FGF14: variants seen among roughly 807,000 people sequenced by gnomAD.
The protein encoded by FGF14 is fibroblast growth factor 14.
Under a neutral mutation model 25.5 loss-of-function variants are expected in FGF14, and 5 were observed. The observed-to-expected ratio is 0.20, with a 90% confidence interval of 0.10 to 0.41. The LOEUF (loss-of-function observed/expected upper bound fraction) is 0.41, where lower values mean the gene tolerates loss of function less well. Ranked by LOEUF, FGF14 falls within the 10% of genes least tolerant of loss-of-function variation. The probability of loss-of-function intolerance (pLI) is 1.00; values close to 1 mark genes in which losing one functional copy is unlikely to be tolerated. For synonymous variants in FGF14, 138 were observed against 118.3 expected (o/e 1.17, Z -1.08); for missense variants, 222 against 320.1 (o/e 0.69, Z 2.34).
chr13:101,864,261 A>T (rs2044576140), intron 3 of FGF14, among the ~76,000 whole-genome samples: 1 of 152,094 alleles, frequency 6.6e-6, no homozygotes, highest in African/African-American at 2.4e-5. Context: ...AACTTCTGTA[A>T]ACTTCAGCTT....
chr13:101,836,478 C>T, intron 3 of FGF14, among the ~76,000 whole-genome samples: 1 of 152,038 alleles, frequency 6.6e-6, no homozygotes, highest in South Asian at 2.1e-4. Context: ...GAGGACCTAC[C>T]TGAGGTAACA....
chr13:101,928,945 A>G (rs537117716), intron 1 of FGF14, among the ~76,000 whole-genome samples: 2 of 152,254 alleles, frequency 1.3e-5, no homozygotes, highest in East Asian at 3.9e-4. Context: ...ACTGCCTCCA[A>G]TGTTTGCAAA....
chr13:101,943,812 T>TACAAA lies in FGF14; in HGVS notation c.209-68517_209-68516insTTTGT, dbSNP rs796285466. 6.0e-3 allele frequency among the ~76,000 whole-genome samples: 800 copies of TACAAA among 134,068 alleles called. 21 individuals are homozygous for TACAAA. The highest frequency in any genetic ancestry group is 0.023 in the African/African-American group (743 of 32,458). 88.0% of individuals were successfully genotyped at this position (134,068 alleles called of 152,430 possible). On this transcript the variant is annotated intron_variant, in intron 1 of 4. Transcript: ENST00000376131. ...AACATGGAGAATCCCTGTCTCTACT[T>TACAAA]AAAAAAAAAAAAAAATATATATATA...
chr13:102,264,613 C>T (rs1419814334), intron 1 of FGF14, among the ~76,000 whole-genome samples: 4 of 149,462 alleles, frequency 2.7e-5, no homozygotes, highest in East Asian at 3.9e-4. Flanking sequence ...GAATTATTTA[C>T]GAGTCTTTAC....
At chr13:102,036,459 T>C (rs182017156) in intron 1 of FGF14, among the ~76,000 whole-genome samples, 21 of 152,184 alleles carry the variant, frequency 1.4e-4, no homozygotes, top group African/African-American at 4.8e-4. Context: ...CACTCGAGGG[T>C]GCTCCTGAAA....
intron 1 of FGF14, among the ~76,000 whole-genome samples, chr13:102,399,307 ACT>A (rs1239715685): frequency 1.3e-5 from 2 of 152,232 alleles, no homozygotes; most frequent in Non-Finnish European, 2.9e-5. Context: ...CTATGGAAGG[ACT>A]GACTTCAAGG....
chr13:101,757,484 T>C (rs566397375), intron 3 of FGF14, among the ~76,000 whole-genome samples: 30 of 152,314 alleles, frequency 2.0e-4, no homozygotes, highest in South Asian at 1.2e-3. Context: ...ACAAGACTAA[T>C]AGATTATTTA....
chr13:102,252,037 C>T (rs920356533), intron 1 of FGF14, among the ~76,000 whole-genome samples: 1 of 152,146 alleles, frequency 6.6e-6, no homozygotes, highest in Non-Finnish European at 1.5e-5. Context: ...TTTTACTGAT[C>T]CCAGACACCT....
chr13:102,281,019 G>C (rs2053804998), intron 1 of FGF14, among the ~76,000 whole-genome samples: 1 of 152,184 alleles, frequency 6.6e-6, no homozygotes, highest in African/African-American at 2.4e-5. Flanking sequence ...CGTGCTTGGA[G>C]AACTGGACTT....
intron 1 of FGF14, among the ~76,000 whole-genome samples, chr13:101,880,154 C>G (rs2045622036): frequency 6.6e-6 from 1 of 152,196 alleles, no homozygotes; most frequent in Admixed American, 6.6e-5. Flanking sequence ...CGGTCCCATT[C>G]CAATGTACTA....
intron 1 of FGF14, among the ~76,000 whole-genome samples, chr13:102,245,853 C>T (rs528316074): frequency 2.9e-4 from 44 of 152,112 alleles, no homozygotes; most frequent in African/African-American, 1.0e-3. Flanking sequence ...AACAAATCTG[C>T]GTGCAAGACA....
At chr13:101,943,994 G>A (rs1468232830) in intron 1 of FGF14, among the ~76,000 whole-genome samples, 19 of 109,834 alleles carry the variant, frequency 1.7e-4, no homozygotes, top group African/African-American at 8.4e-4. Flanking sequence ...GTGAAACTCC[G>A]TCTCAAAAAA....
intron 1 of FGF14, among the ~76,000 whole-genome samples, chr13:102,103,823 C>T (rs577560985): frequency 1.3e-5 from 2 of 152,234 alleles, no homozygotes; most frequent in East Asian, 3.9e-4. Context: ...AGTCACTGAC[C>T]ATCAAGAAAT....
At chr13:102,113,496 G>T (rs980057788) in intron 1 of FGF14, among the ~76,000 whole-genome samples, 2 of 152,196 alleles carry the variant, frequency 1.3e-5, no homozygotes, top group African/African-American at 4.8e-5. Context: ...TACATGGAAA[G>T]TATCTTAATT....
At position 102,257,342 on chromosome 13, in the gene FGF14, C is replaced by CTTTT. The variant is rs71125058; in HGVS notation, c.208+144125_208+144128dup. 4.6e-3 allele frequency among the ~76,000 whole-genome samples: 149 copies of CTTTT among 32,572 alleles called. 51 individuals are homozygous for CTTTT. The highest frequency in any genetic ancestry group is 0.016 in the African/African-American group (126 of 7,820). The allele number at this position is 32,572 out of a possible 152,430, so 21.4% of individuals were successfully genotyped here. A position where few individuals can be genotyped will look rare whatever the true frequency, so the allele number is the denominator to read the frequency against. Reference sequence around the variant, plus strand: ...CATGCATGTCCATTTCCTTTCTTTTCTTTTTTTTTTTTTTTTTTTTTTTTT... The same window carrying CTTTT: ...CATGCATGTCCATTTCCTTTCTTTTCTTTTTTTTTTTTTTTTTTTTTTTTTTTTT... On this transcript the variant is annotated intron_variant, in intron 1 of 4. Transcript: ENST00000376131.
chr13:102,241,497 T>C (rs1288245806), intron 1 of FGF14, among the ~76,000 whole-genome samples: 1 of 152,128 alleles, frequency 6.6e-6, no homozygotes, highest in Non-Finnish European at 1.5e-5. Flanking sequence ...AGTTATAAGA[T>C]GAAGATTTCT....
intron 1 of FGF14, among the ~76,000 whole-genome samples, chr13:102,353,781 G>A (rs1002720591): frequency 6.6e-6 from 1 of 152,152 alleles, no homozygotes; most frequent in African/African-American, 2.4e-5. Context: ...CCTGCAGAGT[G>A]TTTTTCCTAA....
At chr13:102,188,380 A>G (rs1196222400) in intron 1 of FGF14, among the ~76,000 whole-genome samples, 2 of 152,202 alleles carry the variant, frequency 1.3e-5, no homozygotes, top group Non-Finnish European at 2.9e-5. Context: ...AATATGAACA[A>G]GTGGAAAGAT....
At chr13:102,161,598 G>C (rs2047674331) in intron 1 of FGF14, among the ~76,000 whole-genome samples, 1 of 2,268 alleles carries the variant, frequency 4.4e-4, no homozygotes, top group African/African-American at 6.3e-3. Context: ...AGAAGAAGAA[G>C]AAGAAGAAGA....
Sources: allele counts gnomAD v4.1 joint callset (sites outside exome capture counted in the v4.1 genomes callset), GRCh38; gene constraint gnomAD v4.1.1; transcripts MANE v1.5; gene names NCBI Gene and HGNC (gene_info 2026-07-23, HGNC 2026-07-21).